The following SLC4A5 variants were observed in gnomAD, a reference collection of about 807,000 sequenced individuals.
The protein encoded by SLC4A5 is solute carrier family 4 member 5.
In SLC4A5, 96 loss-of-function variants were observed where a neutral mutation model predicts 120.4. That is an observed-to-expected ratio of 0.80 (90% CI 0.68 to 0.94). SLC4A5 has a LOEUF of 0.94. Ranked by LOEUF, SLC4A5 falls within the 40% of genes least tolerant of loss-of-function variation. SLC4A5 has a pLI of 0.00. For missense variants in SLC4A5, 1,259 were observed against 1,459.5 expected, an observed-to-expected ratio of 0.86 and a Z score of 2.24; for synonymous variants, 550 against 571.1, an observed-to-expected ratio of 0.96 and a Z score of 0.53.
At chr2:74,307,647 TG>T in intron 6 of SLC4A5, 2 of 978,472 alleles carry the variant, frequency 2.0e-6, no homozygotes. Context: ...GTCTCTGACC[TG>T]GGGTCCCTTC....
At chr2:74,330,288 T>C (rs918393626) in intron 4 of SLC4A5, among the ~76,000 whole-genome samples, 3 of 148,652 alleles carry the variant, frequency 2.0e-5, no homozygotes, top group Non-Finnish European at 3.0e-5. Context: ...TGGAGGAGTG[T>C]GGTGTAGGTG....
chr2:74,318,358 G>A (rs1415786800), intron 5 of SLC4A5, among the ~76,000 whole-genome samples: 3 of 152,152 alleles, frequency 2.0e-5, no homozygotes, highest in Non-Finnish European at 4.4e-5. Flanking sequence ...ACCACAATGA[G>A]ATACCATCTT....
intron 30 of SLC4A5, among the ~76,000 whole-genome samples, chr2:74,220,308 C>T (rs1694584071): frequency 6.7e-6 from 1 of 150,078 alleles, no homozygotes; most frequent in South Asian, 2.1e-4. Flanking sequence ...TGAACCTATT[C>T]TTAACAGTTC....
At chr2:74,290,437 AAG>A in intron 7 of SLC4A5, 1 of 985,466 alleles carries the variant, frequency 1.0e-6, no homozygotes, top group Non-Finnish European at 1.2e-6. Context: ...AGGGGAGAAA[AAG>A]AGAGAGAGAA....
At chr2:74,217,786 C>G (rs889261301) in exon 31 of SLC4A5, 1 of 152,140 alleles carries the variant, frequency 6.6e-6, no homozygotes, top group Non-Finnish European at 1.5e-5. Flanking sequence ...GGAGCAAGGC[C>G]CATAATGCAG....
intron 7 of SLC4A5, among the ~76,000 whole-genome samples, chr2:74,293,710 G>T (rs886564646): frequency 6.6e-6 from 1 of 152,132 alleles, no homozygotes; most frequent in African/African-American, 2.4e-5. Context: ...CTTTGTTCTT[G>T]TAATATAAAC....
At chr2:74,285,595 G>T (rs943051796) in intron 8 of SLC4A5, among the ~76,000 whole-genome samples, 178 bp downstream of exon 8, 1 of 152,206 alleles carries the variant, frequency 6.6e-6, no homozygotes, top group Non-Finnish European at 1.5e-5. Flanking sequence ...AGGATGAAGA[G>T]GAATTCATAA....
In SLC4A5 at chr2:74,242,609, T is replaced by C. The variant is rs141671467; in HGVS notation, c.2060-557A>G. 7.4e-3 allele frequency among the ~76,000 whole-genome samples: 1,113 copies of C among 150,956 alleles called. 12 individuals carry two copies. Among genetic ancestry groups the C allele is most frequent in the African/African-American group, 0.026 (1,073 of 41,028 alleles). ...CCCAGAAAGGCTGGCCCAGAGCCTATAAACTTCCCAGCTCTACACCATGAA... is the reference window on the plus strand; with the variant it reads ...CCCAGAAAGGCTGGCCCAGAGCCTACAAACTTCCCAGCTCTACACCATGAA... On this transcript the variant is annotated intron_variant, in intron 19 of 30. Coordinates refer to ENST00000394019, the Ensembl canonical transcript of SLC4A5.
intron 25 of SLC4A5, among the ~76,000 whole-genome samples, chr2:74,229,259 TG>T (rs34872093): frequency 2.8e-4 from 41 of 145,570 alleles, no homozygotes; most frequent in African/African-American, 9.2e-4. Flanking sequence ...TTTTTTTTTT[TG>T]GGGGGGGCAC....
At chr2:74,248,063 A>C (rs545333431) in intron 18 of SLC4A5, among the ~76,000 whole-genome samples, 15 of 152,288 alleles carry the variant, frequency 9.8e-5, no homozygotes, top group Admixed American at 5.2e-4. Flanking sequence ...CCAAGACTTC[A>C]TACACTATAC....
chr2:74,234,964 C>A, intron 22 of SLC4A5, 137 bp downstream of exon 22: 1 of 669,026 alleles, frequency 1.5e-6, no homozygotes, highest in Non-Finnish European at 2.6e-6. Context: ...AGCCTGTGTT[C>A]AGGAAAGGTG....
chr2:74,227,843 G>A (rs1339121724), exon 26 of SLC4A5: 5 of 1,612,234 alleles, frequency 3.1e-6, no homozygotes, highest in Non-Finnish European at 3.4e-6. Context: ...CGCCCATGTA[G>A]AGGAAGACTC....
intron 7 of SLC4A5, among the ~76,000 whole-genome samples, chr2:74,296,736 G>A (rs895334060): frequency 5.5e-5 from 8 of 146,120 alleles, no homozygotes; most frequent in East Asian, 2.0e-4. Flanking sequence ...GTAGTGAGCC[G>A]AGATCGTGCC....
chr2:74,318,903 G>C (rs1391405362), intron 5 of SLC4A5, among the ~76,000 whole-genome samples: 5 of 152,042 alleles, frequency 3.3e-5, no homozygotes, highest in Admixed American at 3.3e-4. Flanking sequence ...ACCAGCACTT[G>C]TATGTTTATT....
rs151278532 is a variant in SLC4A5, at chr2:74,255,246, T to G, written c.1025+529A>C. Among the ~76,000 whole-genome samples the G allele has an allele frequency of 4.8e-4, 73 of 152,334 alleles. No homozygotes were observed. Among genetic ancestry groups the G allele is most frequent in the African/African-American group, 1.7e-3 (72 of 41,588 alleles). On this transcript the variant is annotated intron_variant, in intron 13 of 30. Coordinates refer to ENST00000394019, the Ensembl canonical transcript of SLC4A5. The surrounding 1 kb of genome is among the most constrained non-coding windows in gnomAD (Gnocchi z 4.0). ...CTTTGTCTTGCTGCCCAAGCTTACC[T>G]GACAACTTCTCTCCTAGTTGTTGCC...
chr2:74,227,197 G>A, intron 26 of SLC4A5, 67 bp from the exon 27 acceptor site: 1 of 1,498,380 alleles, frequency 6.7e-7, no homozygotes, highest in Non-Finnish European at 9.0e-7. Flanking sequence ...CTGGGACTAG[G>A]GGAAGGGGTG....
rs201646465 is a variant in SLC4A5 at position 74,308,738 on chromosome 2, A to ATT, written c.80-4060_80-4059dup. On this transcript the variant is annotated intron_variant, in intron 6 of 30. Transcript: ENST00000394019. ...CAATTTTAACAGAGTCCAGCTTATC[A>ATT]TTTTTTTTTTTTCATCAATTGTGCT... Among the ~76,000 whole-genome samples, 15 of 143,918 alleles carry ATT rather than the reference A, an allele frequency of 1.0e-4. No individual in the cohort carries two copies. In the South Asian group the frequency reaches 2.0e-3, roughly 19 times the overall value. The allele number at this position is 143,918 out of a possible 152,430, so 94.4% of individuals were successfully genotyped here.
intron 2 of SLC4A5, among the ~76,000 whole-genome samples, chr2:74,341,993 C>T (rs1371228499): frequency 6.6e-6 from 1 of 152,086 alleles, no homozygotes; most frequent in Non-Finnish European, 1.5e-5. Context: ...CTCCTGTCCT[C>T]AAAACTATAT....
chr2:74,324,197 C>A (rs1673159608), intron 5 of SLC4A5, among the ~76,000 whole-genome samples: 1 of 152,168 alleles, frequency 6.6e-6, no homozygotes, highest in African/African-American at 2.4e-5. Flanking sequence ...AATTACACAA[C>A]AAAGAACCCT....
Sources: gnomAD v4.1 joint callset for allele counts (sites outside exome capture counted in the v4.1 genomes callset) on GRCh38, gnomAD v4.1.1 for gene constraint, Gnocchi (gnomAD v3.1) non-coding constraint, MANE v1.5 for transcripts, NCBI Gene and HGNC (gene_info 2026-07-23, HGNC 2026-07-21) for gene names.